PLA2G12B: variants seen among roughly 807,000 people sequenced by gnomAD.
PLA2G12B encodes the protein phospholipase A2 group XIIB.
Under a neutral mutation model 22.3 loss-of-function variants are expected in PLA2G12B, and 19 were observed. That is an observed-to-expected ratio of 0.85 (90% confidence interval 0.60 to 1.25). The LOEUF (loss-of-function observed/expected upper bound fraction) is 1.25, where lower values mean the gene tolerates loss of function less well. Among genes scored for constraint, PLA2G12B ranks in the 50% most tolerant of loss-of-function variants. PLA2G12B has a pLI of 0.00. For missense variants in PLA2G12B, 191 were observed against 246.6 expected (o/e 0.77, Z 1.51); for synonymous variants, 81 against 94.9 (o/e 0.85, Z 0.85).
chr10:72,937,472 A>T (rs886989922), intron 3 of PLA2G12B, among the ~76,000 whole-genome samples: 1 of 152,216 alleles, frequency 6.6e-6, no homozygotes, highest in Non-Finnish European at 1.5e-5. Flanking sequence ...CAAACATTTA[A>T]AGAATTAATA....
At chr10:72,951,528 G>A (rs1253514506) in intron 1 of PLA2G12B, among the ~76,000 whole-genome samples, 1 of 141,304 alleles carries the variant, frequency 7.1e-6, no homozygotes, top group African/African-American at 2.8e-5. Context: ...TGAGATCTCA[G>A]CTCACTGCAA....
chr10:72,940,052 ATTAGC>A (rs1846335388), intron 3 of PLA2G12B, among the ~76,000 whole-genome samples: 1 of 152,214 alleles, frequency 6.6e-6, no homozygotes, highest in Admixed American at 6.5e-5. Context: ...CTGACCCTAG[ATTAGC>A]AGCAGGTACT....
chr10:72,944,149 A>G (rs979261550), intron 1 of PLA2G12B, among the ~76,000 whole-genome samples: 1 of 150,344 alleles, frequency 6.7e-6, no homozygotes, highest in Non-Finnish European at 1.5e-5. Flanking sequence ...TAATTATTTT[A>G]TATCATGAAA....
At position 72,941,199 on chromosome 10, in the gene PLA2G12B, G is replaced by A. The variant is rs375272873; in HGVS notation, c.436C>T (p.Arg146Trp). The A allele has an allele frequency of 3.5e-5, 57 of 1,613,924 alleles. No homozygotes were observed. The Middle Eastern group carries it at 4.9e-4, about 14-fold the overall frequency. The change falls in exon 3 of 4, where the codon CGG becomes TGG. Residue 146 changes from arginine to tryptophan, a missense_variant. Arg to Trp is a moderately radical substitution (Grantham distance 101). Transcript: ENST00000373032. ...CLHSICSDLK[R>W]SLGFVSKVEA... ...ACTTTGGAGACAAAGCCCAGACTCC[G>A]CTTAAGGTCAGAGCAGATCGAGTGG...
chr10:72,948,147 G>T (rs1166866919), intron 1 of PLA2G12B, among the ~76,000 whole-genome samples: 2 of 152,198 alleles, frequency 1.3e-5, no homozygotes, highest in Middle Eastern at 3.4e-3. Flanking sequence ...AAGTGCTGGG[G>T]TTACAGGTGT....
intron 3 of PLA2G12B, among the ~76,000 whole-genome samples, chr10:72,937,975 A>G (rs1846303501): frequency 6.6e-6 from 1 of 151,964 alleles, no homozygotes; most frequent in Admixed American, 6.6e-5. Flanking sequence ...TTAGCTGGGC[A>G]TGGTGGTGGG....
intron 1 of PLA2G12B, among the ~76,000 whole-genome samples, chr10:72,945,759 T>G (rs1490251604): frequency 6.6e-6 from 1 of 152,114 alleles, no homozygotes; most frequent in African/African-American, 2.4e-5. Context: ...GTGATTCTCC[T>G]GCATCAGCCT....
intron 1 of PLA2G12B, among the ~76,000 whole-genome samples, chr10:72,949,354 T>C (rs1846490075): frequency 6.6e-6 from 1 of 152,200 alleles, no homozygotes; most frequent in Admixed American, 6.6e-5. Context: ...TGTAAGCCCC[T>C]GATCAATACT....
intron 1 of PLA2G12B, among the ~76,000 whole-genome samples, chr10:72,945,132 G>T (rs1846419032): frequency 6.6e-6 from 1 of 152,172 alleles, no homozygotes; most frequent in Admixed American, 6.5e-5. Flanking sequence ...TTGTTGCTGT[G>T]ATACATGTGG....
Position 72,954,363 on chromosome 10 carries a change from G to A in PLA2G12B, c.211+112C>T, listed in dbSNP as rs1846581913. The A allele has an allele frequency of 4.7e-6, 6 of 1,277,088 alleles. No homozygotes were observed. The South Asian group carries it at 6.8e-5, about 14-fold the overall frequency. 79.1% of individuals were successfully genotyped at this position (1,277,088 alleles called of 1,614,324 possible). On this transcript the variant is annotated intron_variant, in intron 1 of 3. Coordinates refer to ENST00000373032, the MANE Select transcript of PLA2G12B (RefSeq NM_032562.5). ...TCCTACATTTTTATCTGCTAAATCT[G>A]GCAGCTCTAAGTGGATAACAGGAAA...
At chr10:72,953,768 C>T (rs2132984433) in intron 1 of PLA2G12B, among the ~76,000 whole-genome samples, 1 of 152,284 alleles carries the variant, frequency 6.6e-6, no homozygotes, top group Non-Finnish European at 1.5e-5. Context: ...AGGGGAAGTG[C>T]TCCTGCCAGC....
chr10:72,942,506 A>C (rs1846378931), intron 2 of PLA2G12B, 146 bp downstream of exon 2: 1 of 572,586 alleles, frequency 1.7e-6, no homozygotes, highest in African/African-American at 1.9e-5. Context: ...ATCTTCTTTA[A>C]AAATTCTCTC....
intron 1 of PLA2G12B, among the ~76,000 whole-genome samples, chr10:72,946,414 T>A (rs1029911541): frequency 7.9e-5 from 12 of 152,360 alleles, no homozygotes; most frequent in Admixed American, 7.8e-4. Flanking sequence ...ATACTGCTAC[T>A]AATATTTGTA....
intron 3 of PLA2G12B, among the ~76,000 whole-genome samples, chr10:72,939,931 T>C (rs766527898): frequency 2.9e-4 from 44 of 152,210 alleles, no homozygotes; most frequent in Non-Finnish European, 4.4e-4. Flanking sequence ...GACTATCAAT[T>C]AGATGGGACA....
At chr10:72,951,265 AT>A (rs1564605283) in intron 1 of PLA2G12B, among the ~76,000 whole-genome samples, 1 of 152,142 alleles carries the variant, frequency 6.6e-6, no homozygotes, top group Non-Finnish European at 1.5e-5. Context: ...TTTCTCCTAA[AT>A]TCAAACCCAT....
At chr10:72,945,306 G>C (rs1846422238) in intron 1 of PLA2G12B, among the ~76,000 whole-genome samples, 2 of 152,030 alleles carry the variant, frequency 1.3e-5, no homozygotes, top group Non-Finnish European at 2.9e-5. Flanking sequence ...TTTCTGTCTT[G>C]GGCTCTCTTA....
At chr10:72,943,440 A>G (rs1314743877) in intron 1 of PLA2G12B, among the ~76,000 whole-genome samples, 1 of 152,208 alleles carries the variant, frequency 6.6e-6, no homozygotes, top group Admixed American at 6.5e-5. Flanking sequence ...TCCGAATTGT[A>G]GCAGCACCAC....
At position 72,954,686 on chromosome 10, in the gene PLA2G12B, C is replaced by T; in HGVS notation, c.-1G>A. On this transcript the variant is annotated 5_prime_UTR_variant, in exon 1 of 4. Coordinates refer to ENST00000373032, the MANE Select transcript of PLA2G12B (RefSeq NM_032562.5). ...CCAAGAAGCCACTGGCCAGCTTCAT[C>T]CTGCAGCCAGGTAGGTACTGGCTTC... is the stretch of plus-strand genomic sequence containing the variant. 1 of 1,613,884 alleles carries T rather than the reference C, an allele frequency of 6.2e-7. No individual in the cohort carries two copies. Among genetic ancestry groups the T allele is most frequent in the Non-Finnish European group, 8.5e-7 (1 of 1,179,972 alleles).
chr10:72,943,386 C>G (rs1053109545), intron 1 of PLA2G12B, among the ~76,000 whole-genome samples: 6 of 152,126 alleles, frequency 3.9e-5, no homozygotes, highest in Non-Finnish European at 8.8e-5. Flanking sequence ...CCACACACCA[C>G]TCAAAGAACA....
Sources: gnomAD v4.1 joint callset for allele counts (sites outside exome capture counted in the v4.1 genomes callset) on GRCh38, gnomAD v4.1.1 for gene constraint, MANE v1.5 for transcripts, NCBI Gene and HGNC (gene_info 2026-07-23, HGNC 2026-07-21) for gene names.